Variants in KIF1B observed in about 807,000 individuals in gnomAD.
KIF1B encodes kinesin family member 1B, also known as kinesin-like protein KIF1B.
In KIF1B, 76 loss-of-function variants were observed where a neutral mutation model predicts 241.9. The ratio of observed to expected loss-of-function variants is 0.31; its 90% CI spans 0.26 to 0.38. The LOEUF (loss-of-function observed/expected upper bound fraction) is 0.38, where lower values mean the gene tolerates loss of function less well. KIF1B is among the 10% of genes least tolerant of loss of function. The probability of loss-of-function intolerance (pLI) is 1.00; values close to 1 mark genes in which losing one functional copy is unlikely to be tolerated. For missense variants in KIF1B, 1,622 were observed against 2,271.4 expected (o/e 0.71, Z 5.81); for synonymous variants, 750 against 796.7 (o/e 0.94, Z 0.99).
At chr1:10,349,593 G>A (rs1223065445) in intron 37 of KIF1B, among the ~76,000 whole-genome samples, 1 of 151,598 alleles carries the variant, frequency 6.6e-6, no homozygotes, top group Non-Finnish European at 1.5e-5. Flanking sequence ...CAAGCCAGGA[G>A]GACTGAATAG....
chr1:10,361,449 T>C (rs1638420016), intron 39 of KIF1B, among the ~76,000 whole-genome samples: 2 of 152,206 alleles, frequency 1.3e-5, no homozygotes, highest in South Asian at 4.1e-4. Context: ...GAAACTCTCT[T>C]TGCCTCAGTT....
At chr1:10,297,824 C>T (rs1255279692) in intron 22 of KIF1B, among the ~76,000 whole-genome samples, 2 of 151,652 alleles carry the variant, frequency 1.3e-5, no homozygotes, top group African/African-American at 2.4e-5. Context: ...TGTGTGGTAG[C>T]GGTGGGAGCA....
In KIF1B at chr1:10,378,115, T is replaced by A; in HGVS notation, c.*1528T>A. On this transcript the variant is annotated 3_prime_UTR_variant, in exon 49 of 49. Transcript: ENST00000676179. ...CAGTGATGCTCTCTATACTCATAAA[T>A]AAGCAAATGTGGCAGGCTTTGCTTT... 1.7e-6 allele frequency: 1 copy of A among 579,788 alleles called. No individual in the cohort carries two copies. Among genetic ancestry groups the A allele is most frequent in the Non-Finnish European group, 3.1e-6 (1 of 325,490 alleles). The allele number at this position is 579,788 out of a possible 1,614,324, so 35.9% of individuals were successfully genotyped here.
chr1:10,242,510 G>A (rs1038803185), intron 2 of KIF1B, among the ~76,000 whole-genome samples: 3 of 152,116 alleles, frequency 2.0e-5, no homozygotes, highest in South Asian at 2.1e-4. Context: ...GTAACAATAC[G>A]ATATTATTAA....
Position 10,374,246 on chromosome 1 carries a change from G to T in KIF1B, c.4947-70G>T. On this transcript the variant is annotated intron_variant, in intron 45 of 48. Transcript: ENST00000676179. This position sits in a 1 kb window ranked among gnomAD's most constrained non-coding sequence, Gnocchi z 4.3. Reference sequence around the variant, plus strand: ...CCATTGTGTTCCTCCCAGTGAAACAGTACTCAGTATGCCTTGATTGTAACT... The same window carrying T: ...CCATTGTGTTCCTCCCAGTGAAACATTACTCAGTATGCCTTGATTGTAACT... The T allele has an allele frequency of 6.6e-7, 1 of 1,509,088 alleles. No individual in the cohort carries two copies. Among genetic ancestry groups the T allele is most frequent in the East Asian group, 2.3e-5 (1 of 44,368 alleles). The allele number at this position is 1,509,088 out of a possible 1,614,324, so 93.5% of individuals were successfully genotyped here.
rs1638407452 is a variant in KIF1B at position 10,361,003 on chromosome 1, A to G, written c.4130A>G (p.Tyr1377Cys). Reference protein sequence around the residue: ...NSLLLNRVTPYGEKIYMTLSA... With the variant: ...NSLLLNRVTPCGEKIYMTLSA... Reference sequence around the variant, plus strand: ...CTTCTTCTGAACCGAGTGACACCCTATGGAGAAAAGATCTACATGACCTTG... The same window carrying G: ...CTTCTTCTGAACCGAGTGACACCCTGTGGAGAAAAGATCTACATGACCTTG... The change falls in exon 39 of 49, where the codon TAT becomes TGT. Residue 1377 changes from tyrosine to cysteine, a missense_variant. By Grantham distance (194) the Tyr-to-Cys change is radical. Around this residue, in one of 7 missense-constraint regions of KIF1B, gnomAD observed 803 missense variants for 1,112.0 expected, o/e 0.72. Transcript: ENST00000676179. 1.2e-6 allele frequency: 2 copies of G among 1,613,946 alleles called. No individual in the cohort carries two copies. The highest frequency in any genetic ancestry group is 1.1e-5 in the South Asian group (1 of 91,070).
intron 48 of KIF1B, among the ~76,000 whole-genome samples, chr1:10,376,097 C>G (rs941735703): frequency 6.6e-6 from 1 of 152,054 alleles, no homozygotes; most frequent in African/African-American, 2.4e-5. Flanking sequence ...GCCACCACAT[C>G]TGGCTTGAAA....
intron 13 of KIF1B, among the ~76,000 whole-genome samples, chr1:10,278,381 A>C (rs1245586961): frequency 6.6e-6 from 1 of 152,196 alleles, no homozygotes; most frequent in Non-Finnish European, 1.5e-5. Flanking sequence ...CAAATATGTC[A>C]CTAGTATTTT....
intron 22 of KIF1B, among the ~76,000 whole-genome samples, chr1:10,319,369 G>C (rs1217087253): frequency 6.6e-6 from 1 of 152,092 alleles, no homozygotes; most frequent in Non-Finnish European, 1.5e-5. Context: ...CCAAAGTGCT[G>C]GGATTACAGG....
chr1:10,287,707 T>G (rs2102241604), intron 15 of KIF1B, among the ~76,000 whole-genome samples: 1 of 152,276 alleles, frequency 6.6e-6, no homozygotes, highest in South Asian at 2.1e-4. Flanking sequence ...CATATTAGAG[T>G]TGGCTGCAAA....
At chr1:10,315,171 CTTTTTTTTTTTTTTTTTT>C (rs765236286) in intron 22 of KIF1B, among the ~76,000 whole-genome samples, 1 of 80,064 alleles carries the variant, frequency 1.2e-5, no homozygotes, top group Admixed American at 1.3e-4. Flanking sequence ...CAAGAATATT[CTTTTTTTTTTTTTTTTTT>C]TTTTTTTTAA....
At chr1:10,368,690 A>C (rs1468688686) in intron 44 of KIF1B, 152 bp downstream of exon 44, 2 of 706,244 alleles carry the variant, frequency 2.8e-6, no homozygotes, top group Non-Finnish European at 5.1e-6. Context: ...CTGCTCTGGT[A>C]TTCATTCTAA....
At chr1:10,341,666 G>A (rs1434538242) in intron 32 of KIF1B, among the ~76,000 whole-genome samples, 2 of 152,118 alleles carry the variant, frequency 1.3e-5, no homozygotes, top group African/African-American at 2.4e-5. Context: ...GCAGATACTG[G>A]ACACTCAGCA....
At chr1:10,222,980 G>A (rs1308482599) in intron 1 of KIF1B, among the ~76,000 whole-genome samples, 1 of 152,184 alleles carries the variant, frequency 6.6e-6, no homozygotes, top group African/African-American at 2.4e-5. Context: ...TAGGCTGGGT[G>A]TGGTGGCTCA....
chr1:10,361,952 C>A, intron 40 of KIF1B, 127 bp downstream of exon 40: 1 of 1,057,284 alleles, frequency 9.5e-7, no homozygotes, highest in African/African-American at 1.5e-5. Flanking sequence ...TGGTAACTGA[C>A]ACCTGGAATG....
intron 2 of KIF1B, among the ~76,000 whole-genome samples, chr1:10,233,405 C>T (rs973712258): frequency 1.3e-5 from 2 of 151,994 alleles, no homozygotes; most frequent in Non-Finnish European, 2.9e-5. Flanking sequence ...TACTTGAGTC[C>T]AGGAGTTGAG....
At position 10,341,093 on chromosome 1, in the gene KIF1B, A is replaced by G. The variant is rs78712953; in HGVS notation, c.3514-957A>G. Among the ~76,000 whole-genome samples the G allele has an allele frequency of 4.7e-3, 710 of 152,392 alleles. 6 individuals are homozygous for G. Among genetic ancestry groups the G allele is most frequent in the Non-Finnish European group, 8.2e-3 (560 of 68,036 alleles). ...ATTGTGCCTGACAACTGGGGAATGC[A>G]GATGAATCTCAGATGCTCCCAGTGA... On this transcript the variant is annotated intron_variant, in intron 32 of 48. Coordinates refer to ENST00000676179, the MANE Select transcript of KIF1B (RefSeq NM_001365951.3).
At chr1:10,376,031 GACCTCA>G (rs1443415937) in intron 48 of KIF1B, among the ~76,000 whole-genome samples, 16 of 151,354 alleles carry the variant, frequency 1.1e-4, no homozygotes, top group Non-Finnish European at 2.2e-4. Flanking sequence ...TTGAACTCCT[GACCTCA>G]GGTGATCCAC....
intron 10 of KIF1B, among the ~76,000 whole-genome samples, chr1:10,274,538 A>G (rs1293191302): frequency 3.3e-5 from 5 of 152,088 alleles, no homozygotes; most frequent in African/African-American, 1.2e-4. Context: ...TATTTTTGGC[A>G]TAATTTCCTT....
Sources: gnomAD v4.1 joint callset for allele counts (sites outside exome capture counted in the v4.1 genomes callset) on GRCh38, gnomAD v4.1.1 for gene constraint, gnomAD v4.1.1 regional missense constraint, Gnocchi (gnomAD v3.1) non-coding constraint, MANE v1.5 for transcripts, NCBI Gene and HGNC (gene_info 2026-07-23, HGNC 2026-07-21) for gene names.